TOB1: variants seen among roughly 807,000 people sequenced by gnomAD.
TOB1 encodes protein Tob1.
A neutral mutation model predicts 22.9 loss-of-function variants in TOB1; 2 were observed. That is an observed-to-expected ratio of 0.09 (90% CI 0.04 to 0.28). The LOEUF (loss-of-function observed/expected upper bound fraction) is 0.28. TOB1 is among the 10% of genes least tolerant of loss of function. The pLI is 1.00. For synonymous variants in TOB1, 154 were observed against 150.6 expected (o/e 1.02, Z -0.17); for missense variants, 299 against 420.5 (o/e 0.71, Z 2.53).
Position 50,863,239 on chromosome 17 carries a change from T to G in TOB1, c.779A>C (p.Gln260Pro). The G allele has an allele frequency of 6.2e-7, 1 of 1,614,120 alleles. No individual in the cohort carries two copies. The highest frequency in any genetic ancestry group is 8.5e-7 in the Non-Finnish European group (1 of 1,180,028). Residue 260 changes from glutamine to proline, a missense_variant, in exon 2 of 2, where the codon CAA becomes CCA. By Grantham distance (76) the Gln-to-Pro change is moderately conservative (BLOSUM62 -1). Transcript: ENST00000499247. ...AGAAAGAGCAGAGGTTTTCTGCTGT[T>G]GTTGCTGCTGTGGTGGTGGTGGTGG... is the stretch of plus-strand genomic sequence containing the variant. ...PPPPPPPQQQQQQKTSALSPN... is the reference protein window; with the variant it reads ...PPPPPPPQQQPQQKTSALSPN...
upstream of TOB1, chr17:50,867,496 G>A (rs189561937): frequency 9.2e-5 from 14 of 152,308 alleles, no homozygotes; most frequent in Non-Finnish European, 1.9e-4. Flanking sequence ...TTACTCACAG[G>A]TAGCAACGAC....
chr17:50,866,023 C>G (rs1972298028), intron 1 of TOB1, 35 bp downstream of exon 1: 1 of 152,130 alleles, frequency 6.6e-6, no homozygotes, highest in African/African-American at 2.4e-5. Context: ...CTCCCGTCTC[C>G]TCGCCGACCC....
Position 50,863,305 on chromosome 17 carries a change from T to C in TOB1, c.713A>G (p.Gln238Arg), listed in dbSNP as rs772466644. 6.2e-7 allele frequency: 1 copy of C among 1,614,062 alleles called. No homozygotes were observed. Among genetic ancestry groups the C allele is most frequent in the Admixed American group, 1.7e-5 (1 of 60,016 alleles). ...TGGCTGCTGCTGTTGCTGTGGCTGC[T>C]GCTGGCTACCCAAGCCAAGCCCATA... ...SLYGLGLGSQ[Q>R]QPQQQQQPAQ... The change falls in exon 2 of 2, where the codon CAG becomes CGG. Residue 238 changes from glutamine (Q) to arginine (R), a missense_variant. Physicochemically the swap from Gln to Arg is conservative, Grantham distance 43. Transcript: ENST00000499247.
In TOB1 at chr17:50,863,473, A is replaced by G; in HGVS notation, c.545T>C (p.Phe182Ser). 6.2e-7 allele frequency: 1 copy of G among 1,614,208 alleles called. No individual in the cohort carries two copies. The change falls in exon 2 of 2, where the codon TTT becomes TCT. Residue 182 changes from phenylalanine to serine, a missense_variant. Phe to Ser is a radical substitution (Grantham distance 155). Coordinates refer to ENST00000499247, the MANE Select transcript of TOB1 (RefSeq NM_005749.4). ...TQPLTFTTAT[F>S]AATKFGSTKM... is the part of the protein sequence containing the mutation. ...GGTAGAGCCGAACTTGGTGGCAGCA[A>G]AAGTGGCAGTGGTAAAGGTTAAAGG...
chr17:50,867,941 T>G (rs1358395833), upstream of TOB1: 1 of 152,198 alleles, frequency 6.6e-6, no homozygotes. Flanking sequence ...TTCTCCACCC[T>G]GACTCTCCCG....
rs966135380 is a variant in TOB1 at position 50,862,402 on chromosome 17, A to G, written c.*578T>C. ...CCATAATATATAGCAAAAATCTTTA[A>G]ACTTTTAACAGAAAATACATTTTTT... On this transcript the variant is annotated 3_prime_UTR_variant, in exon 2 of 2. Coordinates refer to ENST00000499247, the MANE Select transcript of TOB1 (RefSeq NM_005749.4). 3 of 152,590 alleles carry G rather than the reference A, an allele frequency of 2.0e-5. No homozygotes were observed. The highest frequency in any genetic ancestry group is 4.4e-5 in the Non-Finnish European group (3 of 68,012). The allele number at this position is 152,590 out of a possible 1,614,324, so 9.5% of individuals were successfully genotyped here. A position where few individuals can be genotyped will look rare whatever the true frequency, so the allele number is the denominator to read the frequency against.
Position 50,863,086 on chromosome 17 carries a change from G to A in TOB1, c.932C>T (p.Ala311Val). 1.9e-6 allele frequency: 3 copies of A among 1,614,212 alleles called. No individual in the cohort carries two copies. Among genetic ancestry groups the A allele is most frequent in the Non-Finnish European group, 2.5e-6 (3 of 1,180,030 alleles). The change falls in exon 2 of 2, where the codon GCA becomes GTA. Residue 311 changes from alanine to valine, a missense_variant. Transcript: ENST00000499247. ...TTTCTCATTGAGGCCTCCATAGGCT[G>A]CAAACACATCAAAGGCATTACTGTA... is the stretch of plus-strand genomic sequence containing the variant. ...LQYSNAFDVF[A>V]AYGGLNEKSF...
intron 1 of TOB1, among the ~76,000 whole-genome samples, 186 bp from the exon 2 acceptor site, chr17:50,864,349 A>T (rs1022670652): frequency 1.3e-5 from 2 of 152,216 alleles, no homozygotes; most frequent in Non-Finnish European, 2.9e-5. Context: ...CACAAAATAA[A>T]CATAAAATAG....
Position 50,866,227 on chromosome 17 carries a change from C to T in TOB1, c.-316G>A, listed in dbSNP as rs2143349072. The T allele has an allele frequency of 6.6e-6, 1 of 152,444 alleles. No individual in the cohort carries two copies. The highest frequency in any genetic ancestry group is 6.5e-5 in the Admixed American group (1 of 15,304). 9.4% of individuals were successfully genotyped at this position (152,444 alleles called of 1,614,324 possible). On this transcript the variant is annotated 5_prime_UTR_variant, in exon 1 of 2. Transcript: ENST00000499247. ...CCTCGGGCAGGCCTTGGGAGATCGCCGTTAGTGGCTCGGGGTGGCGGGCAC... is the reference window on the plus strand; with the variant it reads ...CCTCGGGCAGGCCTTGGGAGATCGCTGTTAGTGGCTCGGGGTGGCGGGCAC...
chr17:50,864,056 CA>C lies in TOB1; in HGVS notation c.-40del, dbSNP rs71149322. On this transcript the variant is annotated 5_prime_UTR_variant, in exon 2 of 2. Transcript: ENST00000499247. ...CAAAATTAGGTTTCAACTCCCCCACCAAAAAAAAAAAAAAAAAAAAAAGATG... is the reference window on the plus strand; with the variant it reads ...CAAAATTAGGTTTCAACTCCCCCACCAAAAAAAAAAAAAAAAAAAAAGATG... The C allele has an allele frequency of 0.05, 51,201 of 1,021,976 alleles. No individual in the cohort carries two copies. Among genetic ancestry groups the C allele is most frequent in the East Asian group, 0.11 (2,645 of 24,736 alleles). The allele number at this position is 1,021,976 out of a possible 1,614,324, so 63.3% of individuals were successfully genotyped here.
At position 50,863,531 on chromosome 17, in the gene TOB1, C is replaced by T. The variant is rs1434151601; in HGVS notation, c.487G>A (p.Val163Ile). Residue 163 changes from valine (V) to isoleucine (I), a missense_variant, in exon 2 of 2, where the codon GTA (valine) becomes ATA (isoleucine). Physicochemically the swap from Val to Ile is conservative, Grantham distance 29. Transcript: ENST00000499247. The part of the protein sequence containing the change: ...PSPPFGHSAA[V>I]SPTFMPRSTQ... The stretch of plus-strand genomic sequence containing the variant: ...GACCGGGGCATGAAGGTAGGGCTTA[C>T]AGCAGCAGAGTGACCAAAAGGAGGC... 10 of 1,614,036 alleles carry T rather than the reference C, an allele frequency of 6.2e-6. No individual in the cohort carries two copies. Among genetic ancestry groups the T allele is most frequent in the Non-Finnish European group, 7.6e-6 (9 of 1,180,044 alleles).
chr17:50,864,124 G>T lies in TOB1; in HGVS notation c.-107C>A. 1 of 1,394,484 alleles carries T rather than the reference G, an allele frequency of 7.2e-7. No homozygotes were observed. Among genetic ancestry groups the T allele is most frequent in the Non-Finnish European group, 9.3e-7 (1 of 1,078,206 alleles). 86.4% of individuals were successfully genotyped at this position (1,394,484 alleles called of 1,614,324 possible). ...GAAACAAATTTTCATTCAAAGTGCT[G>T]GTATTAGTAGATTATCCTTCACCTT... On this transcript the variant is annotated 5_prime_UTR_variant, in exon 2 of 2. Transcript: ENST00000499247.
Position 50,863,002 on chromosome 17 carries a change from A to G in TOB1, c.1016T>C (p.Phe339Ser). 1 of 1,612,424 alleles carries G rather than the reference A, an allele frequency of 6.2e-7. No individual in the cohort carries two copies. The highest frequency in any genetic ancestry group is 8.5e-7 in the Non-Finnish European group (1 of 1,179,080). ...TTTTTAGTTAGCCATAACAGGCTGG[A>G]ATTGCTGGTTAGAATACTGCATGTT... ...LNNMQYSNQQ[F>S]QPVMAN The change falls in exon 2 of 2, where the codon TTC becomes TCC. Residue 339 changes from phenylalanine (F) to serine (S), a missense_variant. Physicochemically the swap from Phe to Ser is radical, Grantham distance 155. Transcript: ENST00000499247.
At chr17:50,864,428 A>G (rs1002930840) in intron 1 of TOB1, among the ~76,000 whole-genome samples, 1 of 152,240 alleles carries the variant, frequency 6.6e-6, no homozygotes, top group African/African-American at 2.4e-5. Flanking sequence ...ATGCTTTTAA[A>G]AACCTGTTTC....
Position 50,862,991 on chromosome 17 carries a change from T to C in TOB1, c.1027A>G (p.Met343Val). 3.7e-6 allele frequency: 6 copies of C among 1,610,670 alleles called. No homozygotes were observed. Among genetic ancestry groups the C allele is most frequent in the Non-Finnish European group, 5.1e-6 (6 of 1,178,042 alleles). ...QYSNQQFQPV[M>V]AN is the part of the protein sequence containing the mutation. ...ACATTTTCTTTTTTTTAGTTAGCCA[T>C]AACAGGCTGGAATTGCTGGTTAGAA... is the stretch of plus-strand genomic sequence containing the variant. Residue 343 changes from methionine to valine, a missense_variant, in exon 2 of 2, where the codon ATG (methionine) becomes GTG (valine). By Grantham distance (21) the Met-to-Val change is conservative. Coordinates refer to ENST00000499247, the MANE Select transcript of TOB1 (RefSeq NM_005749.4).
rs201762176 is a variant in TOB1 at position 50,863,764 on chromosome 17, T to C, written c.254A>G (p.Asn85Ser). Residue 85 changes from asparagine (N) to serine (S), a missense_variant, in exon 2 of 2, where the codon AAT becomes AGT. By Grantham distance (46) the Asn-to-Ser change is conservative. Transcript: ENST00000499247. The stretch of plus-strand genomic sequence containing the variant: ...CCAAACACTAAGATCCTGTGGCAGA[T>C]TGCCACGAACATCATCAATGTCCAA... Reference protein sequence around the residue: ...SGLDIDDVRGNLPQDLSVWID... With the variant: ...SGLDIDDVRGSLPQDLSVWID... 7 of 1,614,122 alleles carry C rather than the reference T, an allele frequency of 4.3e-6. No individual in the cohort carries two copies. The highest frequency in any genetic ancestry group is 1.1e-5 in the South Asian group (1 of 91,082).
Position 50,862,896 on chromosome 17 carries a change from A to T in TOB1, c.*84T>A, listed in dbSNP as rs1972234321. On this transcript the variant is annotated 3_prime_UTR_variant, in exon 2 of 2. Transcript: ENST00000499247. ...TTGAATGTATCCTTACTATAAGCTT[A>T]AAAAAAAAAATTCTCAAGGAGGTGA... 1.3e-6 allele frequency: 1 copy of T among 751,414 alleles called. No individual in the cohort carries two copies. The highest frequency in any genetic ancestry group is 1.8e-6 in the Non-Finnish European group (1 of 570,416). The allele number at this position is 751,414 out of a possible 1,614,324, so 46.5% of individuals were successfully genotyped here.
intron 1 of TOB1, among the ~76,000 whole-genome samples, chr17:50,865,710 G>C (rs1276818610): frequency 1.3e-5 from 2 of 151,938 alleles, no homozygotes; most frequent in South Asian, 4.2e-4. Context: ...GGGGAGCACC[G>C]GTTCCTCGGC....
At chr17:50,864,205 T>C in intron 1 of TOB1, 42 bp from the exon 2 acceptor site, 2 of 1,195,378 alleles carry the variant, frequency 1.7e-6, no homozygotes, top group Non-Finnish European at 1.1e-6. Context: ...ATAAATGTAA[T>C]ATAAGTCCCA....
Sources: allele counts gnomAD v4.1 joint callset (sites outside exome capture counted in the v4.1 genomes callset), GRCh38; gene constraint gnomAD v4.1.1; transcripts MANE v1.5; gene names NCBI Gene and HGNC (gene_info 2026-07-23, HGNC 2026-07-21).